TDG: variants seen among roughly 807,000 people sequenced by gnomAD.
TDG encodes thymine DNA glycosylase.
TDG carries 23 observed loss-of-function variants against 46.1 expected under a neutral mutation model. That is an observed-to-expected ratio of 0.50 (90% confidence interval 0.36 to 0.71). TDG has a LOEUF of 0.71. Ranked by LOEUF, TDG falls within the 30% of genes least tolerant of loss-of-function variation. The pLI, the probability that TDG is intolerant of heterozygous loss-of-function variation, is 0.00. For synonymous variants in TDG, 115 were observed against 161.3 expected (o/e 0.71, Z 2.18); for missense variants, 304 against 486.7 (o/e 0.62, Z 3.53).
chr12:103,983,330 G>A lies in TDG; in HGVS notation c.733G>A (p.Val245Ile), dbSNP rs567735656. 2 of 1,597,826 alleles carry A rather than the reference G, an allele frequency of 1.3e-6. No individual in the cohort carries two copies. Among genetic ancestry groups the A allele is most frequent in the Non-Finnish European group, 1.7e-6 (2 of 1,174,946 alleles). ...YEIFSKEVFG[V>I]KVKNLEFGLQ... Reference sequence around the variant, plus strand: ...AATTTTTAGTAAAGAAGTTTTTGGAGTAAAGGTTAAGAACTTGGAATTTGG... The same window carrying A: ...AATTTTTAGTAAAGAAGTTTTTGGAATAAAGGTTAAGAACTTGGAATTTGG... Residue 245 changes from valine (V) to isoleucine (I), a missense_variant, in exon 7 of 10, where the codon GTA becomes ATA. Physicochemically the swap from Val to Ile is conservative, Grantham distance 29. Transcript: ENST00000392872.
intron 3 of TDG, 169 bp from the exon 4 acceptor site, chr12:103,980,724 G>T: frequency 1.9e-6 from 1 of 527,432 alleles, no homozygotes; most frequent in Non-Finnish European, 3.3e-6. Context: ...TCCCATATAT[G>T]AAATACTTTG....
At chr12:103,978,458 G>A (rs567162219) in intron 2 of TDG, among the ~76,000 whole-genome samples, 1 of 152,312 alleles carries the variant, frequency 6.6e-6, no homozygotes, top group African/African-American at 2.4e-5. Context: ...CAGGGTTTTG[G>A]TTTATGATTG....
intron 1 of TDG, among the ~76,000 whole-genome samples, chr12:103,969,663 G>GA (rs977661329): frequency 6.6e-5 from 10 of 152,190 alleles, no homozygotes; most frequent in Admixed American, 2.6e-4. Context: ...CTCAGCTGCA[G>GA]AAAAATCAGT....
rs1391408357 is a variant in TDG at position 103,987,085 on chromosome 12, G to T, written c.1228G>T (p.Ala410Ser). The T allele has an allele frequency of 6.2e-7, 1 of 1,613,634 alleles. No individual in the cohort carries two copies. Among genetic ancestry groups the T allele is most frequent in the Non-Finnish European group, 8.5e-7 (1 of 1,179,890 alleles). ...ACAAGAACAGGAAGAAGAAAGCCAT[G>T]CTTAAGAATGGTGCTTCTCAGCTCT... ...GTQEQEEESH[A>S] Residue 410 changes from alanine to serine, a missense_variant, in exon 10 of 10, where the codon GCT becomes TCT. Transcript: ENST00000392872.
chr12:103,981,067 A>G (rs1177356550), intron 4 of TDG, 105 bp downstream of exon 4: 3 of 950,026 alleles, frequency 3.2e-6, no homozygotes, highest in African/African-American at 1.7e-5. Flanking sequence ...GAGACTGTAA[A>G]TACACATTCG....
chr12:103,979,227 C>G (rs771798316), intron 2 of TDG, among the ~76,000 whole-genome samples: 2 of 150,892 alleles, frequency 1.3e-5, no homozygotes, highest in Non-Finnish European at 2.9e-5. Context: ...CTCAGCTTCC[C>G]GAGTAGTTGG....
intron 1 of TDG, among the ~76,000 whole-genome samples, chr12:103,966,913 T>C (rs1186827638): frequency 2.0e-5 from 3 of 152,196 alleles, no homozygotes; most frequent in African/African-American, 7.2e-5. Flanking sequence ...TTGGCATGTC[T>C]GGAATCTGAT....
chr12:103,980,207 T>C (rs996865399), intron 3 of TDG, 135 bp downstream of exon 3: 13 of 1,256,596 alleles, frequency 1.0e-5, no homozygotes, highest in African/African-American at 1.5e-5. Context: ...TGGTGTCAGC[T>C]TCATGAGGTT....
At chr12:103,984,462 G>A (rs1164934692) in intron 7 of TDG, among the ~76,000 whole-genome samples, 1 of 152,096 alleles carries the variant, frequency 6.6e-6, no homozygotes, top group Non-Finnish European at 1.5e-5. Context: ...AGGCATGGTG[G>A]CATGCGCTGT....
intron 2 of TDG, among the ~76,000 whole-genome samples, chr12:103,978,108 A>G (rs1045370461): frequency 1.3e-5 from 2 of 152,120 alleles, no homozygotes; most frequent in African/African-American, 2.4e-5. Flanking sequence ...GGAGTCAAGG[A>G]GTGGATTAGA....
intron 1 of TDG, chr12:103,973,107 G>A (rs4135069): frequency 0.022 from 1,490 of 68,316 alleles, 22 homozygotes; most frequent in African/African-American, 0.19. Flanking sequence ...TTTTTGAGAC[G>A]GAGTTTCGCT....
rs1021169981 is a variant in TDG at position 103,966,155 on chromosome 12, C to G, written c.23+95C>G. On this transcript the variant is annotated intron_variant, in intron 1 of 9. Transcript: ENST00000392872. ...CGCGCACGCAGGGGTCTTTTAAATCCCGGCCGGAATACAAAGGCCGGGGCC... is the reference window on the plus strand; with the variant it reads ...CGCGCACGCAGGGGTCTTTTAAATCGCGGCCGGAATACAAAGGCCGGGGCC... 2.4e-5 allele frequency: 33 copies of G among 1,362,842 alleles called. No individual in the cohort carries two copies. In the African/African-American group the frequency reaches 4.8e-4, roughly 20 times the overall value. 84.4% of individuals were successfully genotyped at this position (1,362,842 alleles called of 1,614,324 possible).
At chr12:103,968,145 A>G (rs978376714) in intron 1 of TDG, among the ~76,000 whole-genome samples, 3 of 152,176 alleles carry the variant, frequency 2.0e-5, no homozygotes, top group Non-Finnish European at 4.4e-5. Context: ...TTCAATGGCA[A>G]AATAGTTCAG....
rs180703433 is a variant in TDG, at chr12:103,980,761, A to G, written c.409-132A>G. The G allele has an allele frequency of 1.8e-4, 122 of 683,666 alleles. 1 individual carries two copies. The African/African-American group carries it at 2.0e-3, about 11-fold the overall frequency. 42.3% of individuals were successfully genotyped at this position (683,666 alleles called of 1,614,324 possible). On this transcript the variant is annotated intron_variant, in intron 3 of 9. Coordinates refer to ENST00000392872, the MANE Select transcript of TDG (RefSeq NM_003211.6). ...TCAGATCAAGAGTAGTAATTGATAA[A>G]TGATATTGCTTATGATGCTGAATTA...
Position 103,966,012 on chromosome 12 carries a change from G to A in TDG, c.-26G>A, listed in dbSNP as rs1288008666. Reference sequence around the variant, plus strand: ...GCTGCCCGTGTGCCCGGCAGGTGGAGCCGCCCGCATCAGCGGCCTCGGGGA... The same window carrying A: ...GCTGCCCGTGTGCCCGGCAGGTGGAACCGCCCGCATCAGCGGCCTCGGGGA... On this transcript the variant is annotated 5_prime_UTR_variant, in exon 1 of 10. Transcript: ENST00000392872. The A allele has an allele frequency of 5.0e-6, 8 of 1,593,076 alleles. No individual in the cohort carries two copies. The African/African-American group carries it at 5.4e-5, about 11-fold the overall frequency.
chr12:103,966,876 T>TA (rs1871060278), intron 1 of TDG, among the ~76,000 whole-genome samples: 1 of 152,176 alleles, frequency 6.6e-6, no homozygotes, highest in Non-Finnish European at 1.5e-5. Context: ...ACAAGGGACT[T>TA]ATATGGGCCT....
At chr12:103,971,600 G>T (rs115748081) in intron 1 of TDG, among the ~76,000 whole-genome samples, 1 of 151,982 alleles carries the variant, frequency 6.6e-6, no homozygotes. Context: ...ATCTATGAGC[G>T]CTGCAGTTCA....
rs1196463467 is a variant in TDG, at chr12:103,988,800, A to G, written c.*1710A>G. On this transcript the variant is annotated 3_prime_UTR_variant, in exon 10 of 10. Coordinates refer to ENST00000392872, the MANE Select transcript of TDG (RefSeq NM_003211.6). The stretch of plus-strand genomic sequence containing the variant: ...GTGTGAGACTTTTTCATTAAATAAT[A>G]TTGAAAGATTTTAAAATTCATTTGA... 2 of 151,816 alleles carry G rather than the reference A, an allele frequency of 1.3e-5. No individual in the cohort carries two copies. The highest frequency in any genetic ancestry group is 4.8e-5 in the African/African-American group (2 of 41,300). 9.4% of individuals were successfully genotyped at this position (151,816 alleles called of 1,614,324 possible). A position where few individuals can be genotyped will look rare whatever the true frequency, so the allele number is the denominator to read the frequency against.
rs117054156 is a variant in TDG at position 103,981,576 on chromosome 12, A to T, written c.478+614A>T. 2.7e-3 allele frequency among the ~76,000 whole-genome samples: 409 copies of T among 152,274 alleles called. 1 individual carries two copies. Among genetic ancestry groups the T allele is most frequent in the Non-Finnish European group, 5.2e-3 (356 of 68,022 alleles). ...TAAAAATGATTTTTTAAAAGTTGTT[A>T]TCTATAGGCATAGTAACGATAGTAT... On this transcript the variant is annotated intron_variant, in intron 4 of 9. Transcript: ENST00000392872.
Sources: gnomAD v4.1 joint callset for allele counts (sites outside exome capture counted in the v4.1 genomes callset) on GRCh38, gnomAD v4.1.1 for gene constraint, MANE v1.5 for transcripts, NCBI Gene and HGNC (gene_info 2026-07-23, HGNC 2026-07-21) for gene names.